The following MOB3B variants were observed in gnomAD, a reference collection of about 807,000 sequenced individuals.
The protein encoded by MOB3B is MOB kinase activator-like 2B.
A neutral mutation model predicts 18.7 loss-of-function variants in MOB3B; 7 were observed. The ratio of observed to expected loss-of-function variants is 0.37; its 90% CI spans 0.21 to 0.70. MOB3B has a LOEUF of 0.70. Ranked by LOEUF, MOB3B falls within the 30% of genes least tolerant of loss-of-function variation. MOB3B has a pLI of 0.52. For synonymous variants in MOB3B, 111 were observed against 99.9 expected, an observed-to-expected ratio of 1.11 and a Z score of -0.66; for missense variants, 253 against 281.3, an observed-to-expected ratio of 0.90 and a Z score of 0.72.
intron 2 of MOB3B, among the ~76,000 whole-genome samples, chr9:27,372,055 A>C (rs10121765): frequency 0.57 from 86,634 of 152,036 alleles, 25,301 homozygotes; most frequent in African/African-American, 0.69. Context: ...TGAGCACATG[A>C]AACACATGGA....
intron 3 of MOB3B, among the ~76,000 whole-genome samples, chr9:27,351,764 A>C (rs1014443873): frequency 1.3e-5 from 2 of 152,102 alleles, no homozygotes; most frequent in East Asian, 3.9e-4. Context: ...GCACTCACCC[A>C]AGCAACTCTG....
intron 3 of MOB3B, among the ~76,000 whole-genome samples, chr9:27,349,658 A>G (rs1161450232): frequency 1.3e-5 from 2 of 152,234 alleles, no homozygotes; most frequent in Non-Finnish European, 2.9e-5. Flanking sequence ...ATAAAAAAGT[A>G]CAATTACTAT....
chr9:27,350,849 C>A (rs543178087), intron 3 of MOB3B, among the ~76,000 whole-genome samples: 2 of 151,948 alleles, frequency 1.3e-5, no homozygotes, highest in Admixed American at 6.6e-5. Flanking sequence ...CACACTCCAG[C>A]TACTCTTGGC....
chr9:27,364,873 T>A (rs1387317758), intron 2 of MOB3B, among the ~76,000 whole-genome samples: 1 of 152,226 alleles, frequency 6.6e-6, no homozygotes, highest in Non-Finnish European at 1.5e-5. Context: ...ATAGCAGTCT[T>A]GGCATTAATA....
At chr9:27,370,234 C>T (rs761206368) in intron 2 of MOB3B, among the ~76,000 whole-genome samples, 16 of 152,090 alleles carry the variant, frequency 1.1e-4, no homozygotes, top group Middle Eastern at 3.4e-3. Context: ...CCTGGCTGGG[C>T]GCGGTCGCTC....
At chr9:27,519,927 C>T (rs1820296911) in intron 1 of MOB3B, among the ~76,000 whole-genome samples, 1 of 151,948 alleles carries the variant, frequency 6.6e-6, no homozygotes, top group African/African-American at 2.4e-5. Context: ...TAGCTGCACA[C>T]AACCTTGTGA....
chr9:27,390,917 T>C (rs1821719510), intron 2 of MOB3B, among the ~76,000 whole-genome samples: 1 of 152,138 alleles, frequency 6.6e-6, no homozygotes, highest in African/African-American at 2.4e-5. Context: ...GAGGACACAC[T>C]GAGAAACTGG....
chr9:27,440,022 G>A (rs1822569575), intron 2 of MOB3B, among the ~76,000 whole-genome samples: 1 of 152,138 alleles, frequency 6.6e-6, no homozygotes, highest in African/African-American at 2.4e-5. Flanking sequence ...GAGAGAAAAT[G>A]GTAGACATCA....
chr9:27,488,521 C>A (rs569550384), intron 1 of MOB3B, among the ~76,000 whole-genome samples: 3 of 152,192 alleles, frequency 2.0e-5, no homozygotes, highest in Non-Finnish European at 4.4e-5. Context: ...AATTCTCCTG[C>A]CTCAGCCTCC....
chr9:27,329,588 G>C lies in MOB3B; in HGVS notation c.*999C>G, dbSNP rs898321375. ...TAGTGGGGAGGGTTACAAGTCAGCC[G>C]TCTGGGTGTTAAATCTACACGTACC... On this transcript the variant is annotated 3_prime_UTR_variant, in exon 4 of 4. Transcript: ENST00000262244. 6.6e-6 allele frequency: 1 copy of C among 152,508 alleles called. No homozygotes were observed. The highest frequency in any genetic ancestry group is 2.1e-4 in the South Asian group (1 of 4,830). The allele number at this position is 152,508 out of a possible 1,614,324, so 9.4% of individuals were successfully genotyped here.
intron 1 of MOB3B, among the ~76,000 whole-genome samples, chr9:27,465,155 C>T (rs1819359884): frequency 6.6e-6 from 1 of 152,170 alleles, no homozygotes; most frequent in Admixed American, 6.5e-5. Flanking sequence ...TATAAGCCTG[C>T]AAAGTCAACA....
chr9:27,422,271 C>A (rs753102641), intron 2 of MOB3B, among the ~76,000 whole-genome samples: 3 of 152,184 alleles, frequency 2.0e-5, no homozygotes, highest in Non-Finnish European at 4.4e-5. Flanking sequence ...CCCACTATTT[C>A]CTCAGTTCAT....
intron 2 of MOB3B, among the ~76,000 whole-genome samples, chr9:27,407,132 C>T (rs12378158): frequency 0.018 from 2,744 of 152,234 alleles, 46 homozygotes; most frequent in Non-Finnish European, 0.023. Flanking sequence ...CTACCACGCC[C>T]GGCCCAAAGA....
chr9:27,461,738 A>G (rs76444167), intron 1 of MOB3B, among the ~76,000 whole-genome samples: 1,783 of 152,354 alleles, frequency 0.012, 17 homozygotes, highest in Non-Finnish European at 0.019. Context: ...ATGTGTAAGT[A>G]AATAGTGCCA....
chr9:27,411,769 A>G (rs375893582), intron 2 of MOB3B, among the ~76,000 whole-genome samples: 18 of 152,364 alleles, frequency 1.2e-4, no homozygotes, highest in African/African-American at 4.1e-4. Flanking sequence ...ATGACAATAT[A>G]CATTTGCCAA....
intron 2 of MOB3B, among the ~76,000 whole-genome samples, chr9:27,434,817 C>T (rs1822473089): frequency 6.6e-6 from 1 of 152,142 alleles, no homozygotes; most frequent in Admixed American, 6.5e-5. Flanking sequence ...CTCTCATCAT[C>T]TCTTATCTGG....
At chr9:27,351,659 G>A (rs967263238) in intron 3 of MOB3B, among the ~76,000 whole-genome samples, 1 of 152,184 alleles carries the variant, frequency 6.6e-6, no homozygotes, top group Non-Finnish European at 1.5e-5. Flanking sequence ...TTCATTGCTG[G>A]CTACTTTAGG....
chr9:27,420,039 C>T (rs1288704091), intron 2 of MOB3B, among the ~76,000 whole-genome samples: 2 of 151,726 alleles, frequency 1.3e-5, no homozygotes. Context: ...AAATGGCCAA[C>T]AAACATGAAA....
chr9:27,356,697 T>C (rs1821194722), intron 3 of MOB3B, among the ~76,000 whole-genome samples: 1 of 152,168 alleles, frequency 6.6e-6, no homozygotes. Flanking sequence ...TTATTTTCCA[T>C]TGACCTGAAC....
Sources: gnomAD v4.1 joint callset for allele counts (sites outside exome capture counted in the v4.1 genomes callset) on GRCh38, gnomAD v4.1.1 for gene constraint, MANE v1.5 for transcripts, NCBI Gene and HGNC (gene_info 2026-07-23, HGNC 2026-07-21) for gene names.